The following PTK7 variants were observed in gnomAD, a reference collection of about 807,000 sequenced individuals.
PTK7 encodes inactive tyrosine-protein kinase 7.
PTK7 carries 39 observed loss-of-function variants against 116.6 expected under a neutral mutation model. The observed-to-expected ratio is 0.33, with a 90% CI of 0.26 to 0.44. The LOEUF (loss-of-function observed/expected upper bound fraction) is 0.44, where lower values mean the gene tolerates loss of function less well. Ranked by LOEUF, PTK7 falls within the 20% of genes least tolerant of loss-of-function variation. The pLI is 1.00. For missense variants in PTK7, 1,169 were observed against 1,425.6 expected, an observed-to-expected ratio of 0.82 and a Z score of 2.90; for synonymous variants, 546 against 563.6, an observed-to-expected ratio of 0.97 and a Z score of 0.44.
At chr6:43,119,356 A>C (rs1371736462) in intron 1 of PTK7, among the ~76,000 whole-genome samples, 1 of 152,082 alleles carries the variant, frequency 6.6e-6, no homozygotes, top group East Asian at 1.9e-4. Flanking sequence ...TTAATCATTA[A>C]ACTAAGGCTA....
intron 17 of PTK7, among the ~76,000 whole-genome samples, chr6:43,156,228 C>CAAA (rs5875828): frequency 3.6e-4 from 17 of 47,290 alleles, no homozygotes; most frequent in African/African-American, 1.3e-3. Flanking sequence ...TACCCTGTCT[C>CAAA]AAAAAAAAAA....
At chr6:43,081,622 C>G (rs1766384240) in intron 1 of PTK7, among the ~76,000 whole-genome samples, 3 of 152,112 alleles carry the variant, frequency 2.0e-5, no homozygotes, top group South Asian at 4.1e-4. Context: ...CCAGGCTGGT[C>G]TCGAACTCCT....
At chr6:43,160,626 T>G in intron 19 of PTK7, 95 bp from the exon 20 acceptor site, 1 of 1,503,056 alleles carries the variant, frequency 6.7e-7, no homozygotes, top group Non-Finnish European at 9.1e-7. Context: ...AGAGGCATCC[T>G]TGGGTGGCTG....
In PTK7 at chr6:43,139,806, C is replaced by A. The variant is rs770681363; in HGVS notation, c.1618+281C>A. On this transcript the variant is annotated intron_variant, in intron 10 of 19. Coordinates refer to ENST00000230419, the MANE Select transcript of PTK7 (RefSeq NM_002821.5). This position sits in a 1 kb window ranked among gnomAD's most constrained non-coding sequence, Gnocchi z 4.6. ...CTTCCCCTTTTCCAAAATAGTTTAT[C>A]TTTTCCAACATAAAAATTACATGGA... 1.1e-4 allele frequency among the ~76,000 whole-genome samples: 17 copies of A among 152,216 alleles called. No individual in the cohort carries two copies. Among genetic ancestry groups the A allele is most frequent in the Non-Finnish European group, 1.5e-5 (1 of 68,042 alleles).
At chr6:43,121,076 T>A (rs1397318361) in intron 1 of PTK7, among the ~76,000 whole-genome samples, 1 of 119,608 alleles carries the variant, frequency 8.4e-6, no homozygotes, top group Non-Finnish European at 1.7e-5. Context: ...TTTTTTTTTT[T>A]GACTATGTTG....
intron 1 of PTK7, among the ~76,000 whole-genome samples, chr6:43,078,016 C>T (rs1766153917): frequency 6.6e-6 from 1 of 152,230 alleles, no homozygotes; most frequent in Non-Finnish European, 1.5e-5. Context: ...GATGGGGGCC[C>T]AGCCATCTGG....
intron 7 of PTK7, 163 bp downstream of exon 7, chr6:43,132,850 G>A (rs1769781698): frequency 1.0e-6 from 1 of 988,938 alleles, no homozygotes; most frequent in Admixed American, 2.0e-5. Flanking sequence ...ACAGTAGAGA[G>A]CCAGGCACAG....
rs932925318 is a variant in PTK7, at chr6:43,076,587, G to A, written c.79+20G>A. On this transcript the variant is annotated intron_variant, in intron 1 of 19. Transcript: ENST00000230419. This position sits in a 1 kb window ranked among gnomAD's most constrained non-coding sequence, Gnocchi z 5.7. Reference sequence around the variant, plus strand: ...TGGGCGGTGAGTACCCGAGAGTTGGGGGCACAGAGCTTGGGAAGCGCGGGA... The same window carrying A: ...TGGGCGGTGAGTACCCGAGAGTTGGAGGCACAGAGCTTGGGAAGCGCGGGA... 2.0e-5 allele frequency: 32 copies of A among 1,570,802 alleles called. No homozygotes were observed. In the Middle Eastern group the frequency reaches 5.1e-4, roughly 25 times the overall value.
intron 17 of PTK7, among the ~76,000 whole-genome samples, chr6:43,157,362 A>ATTTTTTT (rs1561990570): frequency 1.8e-4 from 6 of 34,248 alleles, no homozygotes; most frequent in Non-Finnish European, 2.9e-4. Context: ...ATATATATAT[A>ATTTTTTT]TATTTTTTTT....
chr6:43,108,383 C>T (rs1421630973), intron 1 of PTK7, among the ~76,000 whole-genome samples: 2 of 151,662 alleles, frequency 1.3e-5, no homozygotes, highest in Admixed American at 6.6e-5. Context: ...GCATGAGCCA[C>T]CGCGCCCGGC....
At chr6:43,084,961 C>T (rs538285157) in intron 1 of PTK7, among the ~76,000 whole-genome samples, 1 of 152,114 alleles carries the variant, frequency 6.6e-6, no homozygotes, top group Non-Finnish European at 1.5e-5. Context: ...CACATGGCAG[C>T]CACAAGTGAT....
chr6:43,152,479 A>T (rs1166483283), intron 17 of PTK7, among the ~76,000 whole-genome samples: 5 of 152,244 alleles, frequency 3.3e-5, no homozygotes, highest in Admixed American at 3.3e-4. Context: ...CGGAGAGCTG[A>T]GACTGCCACT....
At chr6:43,144,668 C>T (rs1770623833) in intron 15 of PTK7, 62 bp downstream of exon 15, 2 of 1,548,612 alleles carry the variant, frequency 1.3e-6, no homozygotes, top group Non-Finnish European at 8.8e-7. Flanking sequence ...TGTCTTGAGG[C>T]TGGGTACGGG....
At position 43,161,601 on chromosome 6, in the gene PTK7, G is replaced by C. The variant is rs1771848254; in HGVS notation, c.*720G>C. On this transcript the variant is annotated 3_prime_UTR_variant, in exon 20 of 20. Coordinates refer to ENST00000230419, the MANE Select transcript of PTK7 (RefSeq NM_002821.5). ...AGGGGTGGGCCCTGGAGATGAGGAGGGTGGGCCATCCTTACCCCACACTTT... is the reference window on the plus strand; with the variant it reads ...AGGGGTGGGCCCTGGAGATGAGGAGCGTGGGCCATCCTTACCCCACACTTT... 1 of 152,090 alleles carries C rather than the reference G, an allele frequency of 6.6e-6. No homozygotes were observed. The highest frequency in any genetic ancestry group is 1.5e-5 in the Non-Finnish European group (1 of 68,026). The allele number at this position is 152,090 out of a possible 1,614,324, so 9.4% of individuals were successfully genotyped here.
At chr6:43,101,361 G>T (rs1455388275) in intron 1 of PTK7, among the ~76,000 whole-genome samples, 1 of 151,804 alleles carries the variant, frequency 6.6e-6, no homozygotes, top group Non-Finnish European at 1.5e-5. Context: ...GACCATCCTG[G>T]CTAACATGGT....
At chr6:43,112,564 C>T (rs1768254820) in intron 1 of PTK7, among the ~76,000 whole-genome samples, 1 of 152,076 alleles carries the variant, frequency 6.6e-6, no homozygotes, top group African/African-American at 2.4e-5. Context: ...TGTTCCCTTA[C>T]CACCACACCT....
chr6:43,144,845 T>G, intron 15 of PTK7: 2 of 436,448 alleles, frequency 4.6e-6, no homozygotes, highest in Non-Finnish European at 7.9e-6. Flanking sequence ...TTTATTTAAA[T>G]TGACTCTTTA....
intron 1 of PTK7, among the ~76,000 whole-genome samples, chr6:43,120,276 G>A (rs1253706666): frequency 6.6e-6 from 1 of 152,144 alleles, no homozygotes; most frequent in African/African-American, 2.4e-5. Context: ...GCACCAGGGG[G>A]GCACAGATGT....
At chr6:43,138,131 G>C (rs961396858) in intron 7 of PTK7, among the ~76,000 whole-genome samples, 2 of 152,054 alleles carry the variant, frequency 1.3e-5, no homozygotes, top group East Asian at 3.9e-4. Context: ...TTGAACATCT[G>C]TTTTCTTAGC....
Sources: gnomAD v4.1 joint callset for allele counts (sites outside exome capture counted in the v4.1 genomes callset) on GRCh38, gnomAD v4.1.1 for gene constraint, Gnocchi (gnomAD v3.1) non-coding constraint, MANE v1.5 for transcripts, NCBI Gene and HGNC (gene_info 2026-07-23, HGNC 2026-07-21) for gene names.